The following GTPBP2 variants were observed in gnomAD, a reference collection of about 807,000 sequenced individuals.
The protein encoded by GTPBP2 is GTP binding protein 2, also known as GTP-binding protein 2.
GTPBP2 carries 32 observed loss-of-function variants against 63.0 expected under a neutral mutation model. The ratio of observed to expected loss-of-function variants is 0.51; its 90% confidence interval spans 0.38 to 0.68. The LOEUF (loss-of-function observed/expected upper bound fraction) is 0.68. Ranked by LOEUF, GTPBP2 falls within the 30% of genes least tolerant of loss-of-function variation. The pLI is 0.00. For synonymous variants in GTPBP2, 310 were observed against 322.6 expected, an observed-to-expected ratio of 0.96 and a Z score of 0.42; for missense variants, 492 against 796.9, an observed-to-expected ratio of 0.62 and a Z score of 4.61.
At chr6:43,628,736 G>C in intron 1 of GTPBP2, 1 of 751,760 alleles carries the variant, frequency 1.3e-6, no homozygotes, top group Non-Finnish European at 2.4e-6. Flanking sequence ...GGGTAATCTA[G>C]ATCAGAAGGG....
rs759819517 is a variant in GTPBP2, at chr6:43,621,674, G to A, written c.1749C>T (p.Gly583=). Residue 583 remains glycine, a synonymous_variant, in exon 12 of 12, where the codon GGC becomes GGT. Transcript: ENST00000307126. ...TAATGGCTTGTACATCAGTGACATG[G>A]CCGATGCCCTTGGTGACACCCTCCC... The part of the protein sequence containing the change: ...LFREGVTKGI[G]HVTDVQAITA... 3.1e-6 allele frequency: 5 copies of A among 1,614,104 alleles called. No homozygotes were observed. The highest frequency in any genetic ancestry group is 4.2e-6 in the Non-Finnish European group (5 of 1,180,046).
chr6:43,630,739 A>G (rs796832633), upstream of GTPBP2, among the ~76,000 whole-genome samples: 1 of 146,662 alleles, frequency 6.8e-6, no homozygotes, highest in East Asian at 2.0e-4. Flanking sequence ...CGAGACTCCA[A>G]CTAAAAAAAA....
At position 43,625,678 on chromosome 6, in the gene GTPBP2, C is replaced by G; in HGVS notation, c.507+78G>C. The stretch of plus-strand genomic sequence containing the variant: ...TGATGAACTGGAAGCCCCCAGGATC[C>G]CAGGCCAGGAGACAGCCTGCCACCA... On this transcript the variant is annotated intron_variant, in intron 4 of 11. Coordinates refer to ENST00000307126, the MANE Select transcript of GTPBP2 (RefSeq NM_019096.5). The surrounding 1 kb of genome is among the most constrained non-coding windows in gnomAD (Gnocchi z 5.1). 1 of 1,428,906 alleles carries G rather than the reference C, an allele frequency of 7.0e-7. No individual in the cohort carries two copies. The highest frequency in any genetic ancestry group is 9.9e-7 in the Non-Finnish European group (1 of 1,011,572). The allele number at this position is 1,428,906 out of a possible 1,614,324, so 88.5% of individuals were successfully genotyped here.
At position 43,628,821 on chromosome 6, in the gene GTPBP2, G is replaced by T. The variant is rs767189441; in HGVS notation, c.186+156C>A. The T allele has an allele frequency of 1.7e-5, 15 of 875,868 alleles. 1 individual carries two copies. The highest frequency in any genetic ancestry group is 4.3e-4 in the Middle Eastern group (2 of 4,622). The allele number at this position is 875,868 out of a possible 1,614,324, so 54.3% of individuals were successfully genotyped here. Reference sequence around the variant, plus strand: ...TCCAGTCTCTGCCCTTCCTCCCTGGGGTCCCGGGACCTGAAAGAGGTGTTC... The same window carrying T: ...TCCAGTCTCTGCCCTTCCTCCCTGGTGTCCCGGGACCTGAAAGAGGTGTTC... On this transcript the variant is annotated intron_variant, in intron 1 of 11. Coordinates refer to ENST00000307126, the MANE Select transcript of GTPBP2 (RefSeq NM_019096.5).
In GTPBP2 at chr6:43,623,394, A is replaced by AAAAG. The variant is rs542320424; in HGVS notation, c.1295+339_1295+342dup. 9.9e-4 allele frequency: 266 copies of AAAAG among 267,736 alleles called. 3 individuals carry two copies. In the South Asian group the frequency reaches 0.012, roughly 12 times the overall value. The allele number at this position is 267,736 out of a possible 1,614,324, so 16.6% of individuals were successfully genotyped here. ...AACAGAGCGAGACTCTGTCTCAAAAAAAAGAAAGAAAGAAAGAAAGAAGAG... is the reference window on the plus strand; with the variant it reads ...AACAGAGCGAGACTCTGTCTCAAAAAAAAGAAAGAAAGAAAGAAAGAAAGAAGAG... On this transcript the variant is annotated intron_variant, in intron 9 of 11. Transcript: ENST00000307126.
chr6:43,623,869 G>C, intron 8 of GTPBP2, 64 bp downstream of exon 8: 10 of 1,612,282 alleles, frequency 6.2e-6, no homozygotes, highest in Non-Finnish European at 8.5e-6. Flanking sequence ...AACAGACTCT[G>C]GGTTTGGTCT....
upstream of GTPBP2, among the ~76,000 whole-genome samples, chr6:43,630,908 CAAAAAAAAAAAA>C (rs753239311): frequency 1.9e-5 from 1 of 53,624 alleles, no homozygotes; most frequent in Non-Finnish European, 3.8e-5. Flanking sequence ...GACTTCGTCT[CAAAAAAAAAAAA>C]AAAAAAAAAA....
upstream of GTPBP2, chr6:43,629,763 C>G: frequency 6.4e-7 from 1 of 1,559,840 alleles, no homozygotes; most frequent in Non-Finnish European, 8.7e-7. Context: ...GCCCGCGTGC[C>G]GCTGGGGTGA....
rs1582346592 is a variant in GTPBP2, at chr6:43,624,454, T to C, written c.1100+56A>G. 2 of 1,298,732 alleles carry C rather than the reference T, an allele frequency of 1.5e-6. No individual in the cohort carries two copies. Among genetic ancestry groups the C allele is most frequent in the South Asian group, 1.2e-5 (1 of 84,500 alleles). 80.5% of individuals were successfully genotyped at this position (1,298,732 alleles called of 1,614,324 possible). A position where few individuals can be genotyped will look rare whatever the true frequency, so the allele number is the denominator to read the frequency against. ...AGTAGGATATCATGCTTCTGGGCCC[T>C]GGGCTCTGTGGCAGCCTTCCTAGTG... On this transcript the variant is annotated intron_variant, in intron 7 of 11. Transcript: ENST00000307126. This position sits in a 1 kb window ranked among gnomAD's most constrained non-coding sequence, Gnocchi z 5.1.
rs1008483239 is a variant in GTPBP2 at position 43,626,469 on chromosome 6, G to T, written c.214-59C>A. 8.0e-6 allele frequency: 11 copies of T among 1,368,644 alleles called. No individual in the cohort carries two copies. The South Asian group carries it at 9.7e-5, about 12-fold the overall frequency. 84.8% of individuals were successfully genotyped at this position (1,368,644 alleles called of 1,614,324 possible). A position where few individuals can be genotyped will look rare whatever the true frequency, so the allele number is the denominator to read the frequency against. ...AGAGGTGTTCCTCCCAAACCTACAT[G>T]GTCCCCACCTGTTCTGCTGCAAGGA... On this transcript the variant is annotated intron_variant, in intron 2 of 11. Coordinates refer to ENST00000307126, the MANE Select transcript of GTPBP2 (RefSeq NM_019096.5). This position sits in a 1 kb window ranked among gnomAD's most constrained non-coding sequence, Gnocchi z 4.0.
chr6:43,629,047 G>T lies in GTPBP2; in HGVS notation c.116C>A (p.Pro39Gln). The change falls in exon 1 of 12, where the codon CCA becomes CAA. Residue 39 changes from proline to glutamine, a missense_variant. Pro to Gln is a moderately conservative substitution (Grantham distance 76). Coordinates refer to ENST00000307126, the MANE Select transcript of GTPBP2 (RefSeq NM_019096.5). ...CCTTCCGTTCTTCTTCTTTCCCTTT[G>T]GCCCCCCGCAGCCGCTGCTGCTGCC... ...GAGSSSGCGGPKGKKKNGRNR... is the reference protein window; with the variant it reads ...GAGSSSGCGGQKGKKKNGRNR... The T allele has an allele frequency of 6.2e-7, 1 of 1,611,722 alleles. No homozygotes were observed. Among genetic ancestry groups the T allele is most frequent in the Non-Finnish European group, 8.5e-7 (1 of 1,179,098 alleles).
chr6:43,629,284 G>A, upstream of GTPBP2: 1 of 722,654 alleles, frequency 1.4e-6, no homozygotes, highest in Non-Finnish European at 2.1e-6. Context: ...CTCTGCACAA[G>A]CTACGCCCCC....
Position 43,626,898 on chromosome 6 carries a change from G to A in GTPBP2, c.213+24C>T, listed in dbSNP as rs776591978. On this transcript the variant is annotated intron_variant, in intron 2 of 11. Coordinates refer to ENST00000307126, the MANE Select transcript of GTPBP2 (RefSeq NM_019096.5). This position sits in a 1 kb window ranked among gnomAD's most constrained non-coding sequence, Gnocchi z 4.0. ...GCAAGGACAACCTACCCCAGCCCCTGCTTTTCCCCAGCCTAGGACTCACTT... is the reference window on the plus strand; with the variant it reads ...GCAAGGACAACCTACCCCAGCCCCTACTTTTCCCCAGCCTAGGACTCACTT... 27 of 1,588,336 alleles carry A rather than the reference G, an allele frequency of 1.7e-5. No individual in the cohort carries two copies. Among genetic ancestry groups the A allele is most frequent in the Admixed American group, 3.5e-5 (2 of 57,142 alleles).
chr6:43,622,662 C>T lies in GTPBP2; in HGVS notation c.1438G>A (p.Gly480Arg). Residue 480 changes from glycine to arginine, a missense_variant, in exon 10 of 12, where the codon GGG becomes AGG. By Grantham distance (125) the Gly-to-Arg change is moderately radical. Coordinates refer to ENST00000307126, the MANE Select transcript of GTPBP2 (RefSeq NM_019096.5). This position sits in a 1 kb window ranked among gnomAD's most constrained non-coding sequence, Gnocchi z 5.4. ...CGAAGCAGTGCACGGTCAAAGTCCC[C>T]AAGCGCCAGTGTAGCAGCCTGACCA... ...RAGQAATLALGDFDRALLRKG... is the reference protein window; with the variant it reads ...RAGQAATLALRDFDRALLRKG... 6.2e-7 allele frequency: 1 copy of T among 1,613,670 alleles called. No individual in the cohort carries two copies. Among genetic ancestry groups the T allele is most frequent in the Non-Finnish European group, 8.5e-7 (1 of 1,179,624 alleles).
At position 43,624,127 on chromosome 6, in the gene GTPBP2, A is replaced by G; in HGVS notation, c.1101-59T>C. On this transcript the variant is annotated intron_variant, in intron 7 of 11. Transcript: ENST00000307126. The surrounding 1 kb of genome is among the most constrained non-coding windows in gnomAD (Gnocchi z 5.1). ...ACAGTCCAAACAGGAGGCAGAGGCC[A>G]GAGCCCCATACATGGAAAGGTGAGC... 6.8e-7 allele frequency: 1 copy of G among 1,476,096 alleles called. No individual in the cohort carries two copies. Among genetic ancestry groups the G allele is most frequent in the Non-Finnish European group, 9.2e-7 (1 of 1,084,324 alleles). The allele number at this position is 1,476,096 out of a possible 1,614,324, so 91.4% of individuals were successfully genotyped here.
chr6:43,627,101 C>T lies in GTPBP2; in HGVS notation c.187-153G>A, dbSNP rs539491740. On this transcript the variant is annotated intron_variant, in intron 1 of 11. Transcript: ENST00000307126. ...GTGCCTGTCAAAGGTCAGTGGCAGA[C>T]AAGATCCTCTATTCACCCCCAGCAT... 7.0e-6 allele frequency: 5 copies of T among 718,062 alleles called. No individual in the cohort carries two copies. In the East Asian group the frequency reaches 1.5e-4, roughly 21 times the overall value. The allele number at this position is 718,062 out of a possible 1,614,324, so 44.5% of individuals were successfully genotyped here.
Position 43,622,541 on chromosome 6 carries a change from CT to C in GTPBP2, c.1467+91del. Reference sequence around the variant, plus strand: ...CAGAGAGTGTGTTTCCTCTGAGTTTCTCTGAAGCACCTTAGATAGGTGCTCA... The same window carrying C: ...CAGAGAGTGTGTTTCCTCTGAGTTTCCTGAAGCACCTTAGATAGGTGCTCA... On this transcript the variant is annotated intron_variant, in intron 10 of 11. Coordinates refer to ENST00000307126, the MANE Select transcript of GTPBP2 (RefSeq NM_019096.5). This position sits in a 1 kb window ranked among gnomAD's most constrained non-coding sequence, Gnocchi z 5.4. The C allele has an allele frequency of 8.0e-7, 1 of 1,245,834 alleles. No individual in the cohort carries two copies. The highest frequency in any genetic ancestry group is 1.1e-6 in the Non-Finnish European group (1 of 881,956). The allele number at this position is 1,245,834 out of a possible 1,614,324, so 77.2% of individuals were successfully genotyped here. A position where few individuals can be genotyped will look rare whatever the true frequency, so the allele number is the denominator to read the frequency against.
upstream of GTPBP2, among the ~76,000 whole-genome samples, chr6:43,630,908 CAAAAAAAA>C (rs753239311): frequency 3.7e-5 from 2 of 53,608 alleles, no homozygotes; most frequent in South Asian, 8.0e-4. Flanking sequence ...GACTTCGTCT[CAAAAAAAA>C]AAAAAAAAAA....
In GTPBP2 at chr6:43,626,535, C is replaced by T; in HGVS notation, c.214-125G>A. On this transcript the variant is annotated intron_variant, in intron 2 of 11. Transcript: ENST00000307126. This position sits in a 1 kb window ranked among gnomAD's most constrained non-coding sequence, Gnocchi z 4.0. ...TCCACTTAAACTCATACCTGATCCC[C>T]CTCCAACAGAACGAGGTACAGAGCC... The T allele has an allele frequency of 2.9e-6, 2 of 695,868 alleles. No individual in the cohort carries two copies. Among genetic ancestry groups the T allele is most frequent in the Non-Finnish European group, 4.9e-6 (2 of 409,142 alleles). 43.1% of individuals were successfully genotyped at this position (695,868 alleles called of 1,614,324 possible). A position where few individuals can be genotyped will look rare whatever the true frequency, so the allele number is the denominator to read the frequency against.
Sources: allele counts gnomAD v4.1 joint callset (sites outside exome capture counted in the v4.1 genomes callset), GRCh38; gene constraint gnomAD v4.1.1; non-coding constraint Gnocchi (gnomAD v3.1); transcripts MANE v1.5; gene names NCBI Gene and HGNC (gene_info 2026-07-23, HGNC 2026-07-21).